TMEM232: variants seen among roughly 807,000 people sequenced by gnomAD.
TMEM232 encodes transmembrane protein 232.
In TMEM232, 80 loss-of-function variants were observed where a neutral mutation model predicts 78.8. The observed-to-expected ratio is 1.01, with a 90% CI of 0.85 to 1.22. TMEM232 has a LOEUF of 1.22. Among genes scored for constraint, TMEM232 ranks in the 50% most tolerant of loss-of-function variants. TMEM232 has a pLI of 0.00. For missense variants in TMEM232, 881 were observed against 742.2 expected (o/e 1.19, Z -2.17); for synonymous variants, 297 against 254.3 (o/e 1.17, Z -1.60).
intron 10 of TMEM232, among the ~76,000 whole-genome samples, chr5:110,580,765 T>G (rs1778116991): frequency 6.6e-6 from 1 of 151,246 alleles, no homozygotes; most frequent in African/African-American, 2.4e-5. Context: ...TAAAAATTTC[T>G]CCAGAACAGA....
At chr5:110,520,105 C>A (rs1769284790) in intron 12 of TMEM232, among the ~76,000 whole-genome samples, 1 of 150,658 alleles carries the variant, frequency 6.6e-6, no homozygotes, top group Non-Finnish European at 1.5e-5. Flanking sequence ...TGTTCAGTAG[C>A]ACAATAGGGT....
At chr5:110,598,734 T>G (rs905512547) in intron 10 of TMEM232, among the ~76,000 whole-genome samples, 3 of 151,224 alleles carry the variant, frequency 2.0e-5, no homozygotes, top group Non-Finnish European at 2.9e-5. Context: ...AATTGGAAAT[T>G]ATCATTCTCA....
intron 10 of TMEM232, among the ~76,000 whole-genome samples, chr5:110,585,247 G>A (rs528909628): frequency 1.3e-5 from 2 of 152,072 alleles, no homozygotes; most frequent in Admixed American, 1.3e-4. Flanking sequence ...GGAGATAATA[G>A]GAAACTTTTA....
intron 12 of TMEM232, among the ~76,000 whole-genome samples, chr5:110,493,964 T>A (rs541402259): frequency 6.6e-6 from 1 of 151,986 alleles, no homozygotes; most frequent in South Asian, 2.1e-4. Flanking sequence ...CAGTGTGTGA[T>A]GTTCCCCTGC....
intron 12 of TMEM232, among the ~76,000 whole-genome samples, chr5:110,496,203 A>C (rs892064809): frequency 2.0e-5 from 3 of 151,908 alleles, no homozygotes; most frequent in Admixed American, 1.3e-4. Context: ...ACATGTGCTG[A>C]AAGTTAGGTA....
At chr5:110,559,089 T>C (rs1775454364) in intron 11 of TMEM232, among the ~76,000 whole-genome samples, 1 of 152,150 alleles carries the variant, frequency 6.6e-6, no homozygotes, top group African/African-American at 2.4e-5. Flanking sequence ...CTACATCTAG[T>C]CAGCCATTGT....
At chr5:110,432,326 C>T (rs1340639940) in intron 12 of TMEM232, among the ~76,000 whole-genome samples, 1 of 151,664 alleles carries the variant, frequency 6.6e-6, no homozygotes, top group African/African-American at 2.4e-5. Context: ...TGGGGGCCCA[C>T]ATTTAGCATT....
At chr5:110,586,666 C>T (rs1778854943) in intron 10 of TMEM232, among the ~76,000 whole-genome samples, 1 of 151,738 alleles carries the variant, frequency 6.6e-6, no homozygotes, top group Middle Eastern at 3.2e-3. Flanking sequence ...GGGACATAGA[C>T]ATCCAAAGCC....
At position 110,645,321 on chromosome 5, in the gene TMEM232, C is replaced by A. The variant is rs1220544582; in HGVS notation, c.126-2950G>T. Among the ~76,000 whole-genome samples, 3 of 151,548 alleles carry A rather than the reference C, an allele frequency of 2.0e-5. No individual in the cohort carries two copies. In the East Asian group the frequency reaches 5.8e-4, roughly 29 times the overall value. ...CCCTAGTGAACGTCAATGCAAAAAT[C>A]ATAAATAAAATACTAGCAAAGCAAA... On this transcript the variant is annotated intron_variant, in intron 2 of 13. Transcript: ENST00000455884.
At chr5:110,636,924 T>C (rs975770491) in intron 5 of TMEM232, among the ~76,000 whole-genome samples, 2 of 152,036 alleles carry the variant, frequency 1.3e-5, no homozygotes, top group Admixed American at 6.6e-5. Flanking sequence ...ATATGCTCCA[T>C]GCATAAAACT....
intron 4 of TMEM232, among the ~76,000 whole-genome samples, chr5:110,639,593 G>A (rs990638690): frequency 6.6e-5 from 10 of 152,130 alleles, no homozygotes; most frequent in African/African-American, 2.4e-4. Flanking sequence ...GAAGAGTATA[G>A]GCAGGAAAGG....
At chr5:110,511,929 G>T (rs966529098) in intron 12 of TMEM232, among the ~76,000 whole-genome samples, 15 of 151,994 alleles carry the variant, frequency 9.9e-5, no homozygotes, top group Admixed American at 9.2e-4. Flanking sequence ...AATGCTCCAT[G>T]GTCCCTTGCA....
chr5:110,655,587 T>G (rs1196357038), intron 2 of TMEM232, among the ~76,000 whole-genome samples: 1 of 146,336 alleles, frequency 6.8e-6, no homozygotes, highest in Non-Finnish European at 1.5e-5. Flanking sequence ...AATCATGCTG[T>G]TATAAAGACA....
intron 12 of TMEM232, among the ~76,000 whole-genome samples, chr5:110,437,763 T>C (rs1758594277): frequency 6.6e-6 from 1 of 152,102 alleles, no homozygotes; most frequent in South Asian, 2.1e-4. Context: ...ACAAAGGCAC[T>C]TTTGTATAGG....
At chr5:110,634,802 C>A (rs1208314841) in intron 5 of TMEM232, among the ~76,000 whole-genome samples, 1 of 151,484 alleles carries the variant, frequency 6.6e-6, no homozygotes, top group African/African-American at 2.4e-5. Flanking sequence ...AAAGCAAGGA[C>A]AAACCAAACT....
At chr5:110,627,962 T>A (rs527602124) in intron 5 of TMEM232, 82 bp from the exon 6 acceptor site, 2 of 945,330 alleles carry the variant, frequency 2.1e-6, no homozygotes, top group East Asian at 5.5e-5. Context: ...AACCATTATA[T>A]TATTACATTT....
At chr5:110,517,593 T>C (rs1768863407) in intron 12 of TMEM232, among the ~76,000 whole-genome samples, 1 of 152,184 alleles carries the variant, frequency 6.6e-6, no homozygotes, top group Non-Finnish European at 1.5e-5. Context: ...TATGCACAAC[T>C]GCAGGGAGTC....
chr5:110,561,819 G>C (rs992593335), intron 11 of TMEM232, among the ~76,000 whole-genome samples: 1 of 152,046 alleles, frequency 6.6e-6, no homozygotes, highest in Non-Finnish European at 1.5e-5. Flanking sequence ...TCTGTTCCAC[G>C]TTGTCTGTCA....
chr5:110,729,979 G>T (rs1798524262), upstream of TMEM232, among the ~76,000 whole-genome samples: 4 of 152,220 alleles, frequency 2.6e-5, no homozygotes, highest in South Asian at 8.3e-4. Flanking sequence ...ATCCTTCAAT[G>T]TTTCCTTAGC....
Sources: gnomAD v4.1 joint callset for allele counts (sites outside exome capture counted in the v4.1 genomes callset) on GRCh38, gnomAD v4.1.1 for gene constraint, MANE v1.5 for transcripts, NCBI Gene and HGNC (gene_info 2026-07-23, HGNC 2026-07-21) for gene names.